Variants in RPS4X observed in about 807,000 individuals in gnomAD.
RPS4X encodes the protein small ribosomal subunit protein eS4, X isoform.
For synonymous variants in RPS4X, 76 were observed against 76.8 expected (o/e 0.99, Z 0.06); for missense variants, 90 against 219.1 (o/e 0.41, Z 3.72).
At chrX:72,274,329 C>G (rs2043193091) in intron 4 of RPS4X, 18 of 334,425 alleles carry the variant, frequency 5.4e-5, no homozygotes, top group South Asian at 5.3e-4. Flanking sequence ...TCAACAAATA[C>G]TTCACATAGC....
chrX:72,277,248 T>C lies in RPS4X; in HGVS notation c.-53A>G. 8.4e-7 allele frequency: 1 copy of C among 1,191,322 alleles called. No homozygotes were observed. Among genetic ancestry groups the C allele is most frequent in the Non-Finnish European group, 1.1e-6 (1 of 879,791 alleles). On this transcript the variant is annotated 5_prime_UTR_variant, in exon 1 of 7. Transcript: ENST00000316084. ...TCCGTCTTCCGGTGCGCGTAGAAAT[T>C]GGGGCTGGAGACTGCGCGCGCCGGA... is the stretch of plus-strand genomic sequence containing the variant.
At chrX:72,276,865 AG>A (rs1317887455) in intron 1 of RPS4X, among the ~76,000 whole-genome samples, 3 of 112,683 alleles carry the variant, frequency 2.7e-5, no homozygotes, top group Non-Finnish European at 3.8e-5. Context: ...GGGCACCCCC[AG>A]CGCCCACCAA....
At chrX:72,273,677 T>C (rs2043189951) in intron 5 of RPS4X, 124 bp downstream of exon 5, 2 of 572,714 alleles carry the variant, frequency 3.5e-6, no homozygotes, top group Non-Finnish European at 5.6e-6. Flanking sequence ...CATTTGTGCC[T>C]CTGGCTATAA....
chrX:72,274,309 G>C (rs1449774140), intron 4 of RPS4X: 8 of 337,365 alleles, frequency 2.4e-5, no homozygotes, highest in Non-Finnish European at 1.1e-5. Flanking sequence ...TACATTACCA[G>C]TTCATCCAAT....
chrX:72,275,252 C>T, intron 3 of RPS4X, 102 bp from the exon 4 acceptor site: 1 of 515,783 alleles, frequency 1.9e-6, no homozygotes, highest in Non-Finnish European at 3.2e-6. Context: ...CCCCCATGTG[C>T]CTCCCAGTTC....
chrX:72,277,185 C>A lies in RPS4X; in HGVS notation c.3+8G>T. 1 of 1,211,085 alleles carries A rather than the reference C, an allele frequency of 8.3e-7. No individual in the cohort carries two copies. The highest frequency in any genetic ancestry group is 3.0e-5 in the East Asian group (1 of 33,788). ...ACGTCCTAAGAGCTCGCTAACTAAA[C>A]GGCTTACCATGGCTGCGTTAGGCAA... On this transcript the variant is annotated splice_region_variant and intron_variant, in intron 1 of 6. Coordinates refer to ENST00000316084, the MANE Select transcript of RPS4X (RefSeq NM_001007.5).
intron 2 of RPS4X, 72 bp downstream of exon 2, chrX:72,276,085 C>G (rs1281381996): frequency 1.5e-5 from 13 of 858,830 alleles, no homozygotes; most frequent in Non-Finnish European, 2.1e-5. Context: ...CCTCCCCTAG[C>G]CTGGTCCCCA....
At chrX:72,274,039 A>AC in intron 4 of RPS4X, 67 bp from the exon 5 acceptor site, 4 of 988,215 alleles carry the variant, frequency 4.0e-6, no homozygotes, top group Non-Finnish European at 4.3e-6. Context: ...CTATACAGGA[A>AC]CCATGGGTTC....
chrX:72,272,433 G>A lies in RPS4X; in HGVS notation c.*238C>T. ...ATTTCTTGGCTCTTTCTACTCCTTG[G>A]TTAGTTGCTGTTCCTTTCCCAAGTC... is the stretch of plus-strand genomic sequence containing the variant. On this transcript the variant is annotated 3_prime_UTR_variant, in exon 7 of 7. Coordinates refer to ENST00000316084, the MANE Select transcript of RPS4X (RefSeq NM_001007.5). The A allele has an allele frequency of 6.1e-6, 2 of 329,638 alleles. No individual in the cohort carries two copies. Among genetic ancestry groups the A allele is most frequent in the Admixed American group, 5.1e-5 (1 of 19,438 alleles). The allele number at this position is 329,638 out of a possible 1,213,427, so 27.2% of individuals were successfully genotyped here.
At chrX:72,276,028 A>G (rs1040672989) in intron 2 of RPS4X, 129 bp downstream of exon 2, 31 of 537,379 alleles carry the variant, frequency 5.8e-5, no homozygotes, top group South Asian at 5.7e-4. Context: ...GAGGACAGCT[A>G]GATAGTATAG....
In RPS4X at chrX:72,273,259, T is replaced by G; in HGVS notation, c.663A>C (p.Arg221=). 1 of 1,209,331 alleles carries G rather than the reference T, an allele frequency of 8.3e-7. No individual in the cohort carries two copies. Among genetic ancestry groups the G allele is most frequent in the Non-Finnish European group, 1.1e-6 (1 of 894,620 alleles). The change falls in exon 6 of 7, where the codon CGA becomes CGC. Residue 221 remains arginine, a synonymous_variant. Transcript: ENST00000316084. ...TGCCAATAACAAAAATGTTGGAAAGTCGAGTGGCAAAGCTGTTGCCATTGG... is the reference window on the plus strand; with the variant it reads ...TGCCAATAACAAAAATGTTGGAAAGGCGAGTGGCAAAGCTGTTGCCATTGG... ...KDANGNSFAT[R]LSNIFVIGKG...
intron 4 of RPS4X, chrX:72,274,283 T>C (rs1343855755): frequency 1.2e-5 from 4 of 341,613 alleles, no homozygotes; most frequent in South Asian, 1.0e-4. Flanking sequence ...CTGAGTTTTG[T>C]CTCACAAACA....
chrX:72,273,173 A>T, intron 6 of RPS4X, 59 bp downstream of exon 6: 1 of 1,100,511 alleles, frequency 9.1e-7, no homozygotes, highest in Non-Finnish European at 1.2e-6. Flanking sequence ...CTACAATCCC[A>T]GCAGCCACCT....
In RPS4X at chrX:72,273,804, T is replaced by C; in HGVS notation, c.529A>G (p.Thr177Ala). 1 of 1,208,012 alleles carries C rather than the reference T, an allele frequency of 8.3e-7. No individual in the cohort carries two copies. The highest frequency in any genetic ancestry group is 1.1e-6 in the Non-Finnish European group (1 of 892,751). ...GKITDFIKFD[T>A]GNLCMVTGGA... ...AGGTAGCACAGAGGATGCTTACCAG[T>C]GTCGAACTTGATGAAATCAGTAATC... The change falls in exon 5 of 7, where the codon ACT (threonine) becomes GCT (alanine). Residue 177 changes from threonine (T) to alanine (A), a missense_variant. Thr to Ala is a moderately conservative substitution (Grantham distance 58, BLOSUM62 0). Coordinates refer to ENST00000316084, the MANE Select transcript of RPS4X (RefSeq NM_001007.5).
At chrX:72,275,202 TGC>T (rs1569494331) in intron 3 of RPS4X, 52 bp from the exon 4 acceptor site, 1 of 840,027 alleles carries the variant, frequency 1.2e-6, no homozygotes, top group African/African-American at 2.0e-5. Flanking sequence ...CACTACCTCA[TGC>T]CGAGCAACAA....
At chrX:72,276,869 C>G (rs1027875292) in intron 1 of RPS4X, among the ~76,000 whole-genome samples, 3 of 112,753 alleles carry the variant, frequency 2.7e-5, no homozygotes, top group Non-Finnish European at 3.8e-5. Context: ...ACCCCCAGCG[C>G]CCACCAACCT....
Position 72,274,910 on chromosome X carries a change from C to T in RPS4X, c.360+143G>A, listed in dbSNP as rs751731296. The T allele has an allele frequency of 6.0e-5, 26 of 433,796 alleles. No homozygotes were observed. In the South Asian group the frequency reaches 9.5e-4, roughly 16 times the overall value. 35.7% of individuals were successfully genotyped at this position (433,796 alleles called of 1,213,427 possible). ...AGTTACATGTAAGACAGAATCTCAT[C>T]GAATTGTTAGCTAGATATTTCCAGG... On this transcript the variant is annotated intron_variant, in intron 4 of 6. Coordinates refer to ENST00000316084, the MANE Select transcript of RPS4X (RefSeq NM_001007.5).
intron 2 of RPS4X, 93 bp from the exon 3 acceptor site, chrX:72,275,817 A>G (rs1451107027): frequency 3.9e-6 from 3 of 763,121 alleles, no homozygotes; most frequent in Non-Finnish European, 5.7e-6. Context: ...GAACACCAAG[A>G]CCGTCCATAT....
rs1182670592 is a variant in RPS4X, at chrX:72,272,109, A to G, written c.*562T>C. 8.9e-6 allele frequency: 1 copy of G among 112,625 alleles called. No individual in the cohort carries two copies. Among genetic ancestry groups the G allele is most frequent in the East Asian group, 2.8e-4 (1 of 3,597 alleles). The allele number at this position is 112,625 out of a possible 1,213,427, so 9.3% of individuals were successfully genotyped here. On this transcript the variant is annotated 3_prime_UTR_variant, in exon 7 of 7. Transcript: ENST00000316084. Reference sequence around the variant, plus strand: ...TCTGAAAAACAGAGTTGAGGACTGCAGCGGCAGCTGGAGAATAAGGGCACT... The same window carrying G: ...TCTGAAAAACAGAGTTGAGGACTGCGGCGGCAGCTGGAGAATAAGGGCACT...
Sources: allele counts gnomAD v4.1 joint callset (sites outside exome capture counted in the v4.1 genomes callset), GRCh38; gene constraint gnomAD v4.1.1; transcripts MANE v1.5; gene names NCBI Gene and HGNC (gene_info 2026-07-23, HGNC 2026-07-21).